Variants in LPAR6 observed in about 807,000 individuals in gnomAD.
LPAR6 encodes G-protein coupled purinergic receptor P2Y5.
A neutral mutation model predicts 22.0 loss-of-function variants in LPAR6; 17 were observed. The ratio of observed to expected loss-of-function variants is 0.77; its 90% CI spans 0.53 to 1.16. LPAR6 has a LOEUF of 1.16. LPAR6 is among the 50% of genes most tolerant of loss of function. The pLI, the probability that LPAR6 is intolerant of heterozygous loss-of-function variation, is 0.00. For synonymous variants in LPAR6, 136 were observed against 139.8 expected, an observed-to-expected ratio of 0.97 and a Z score of 0.19; for missense variants, 384 against 406.9, an observed-to-expected ratio of 0.94 and a Z score of 0.48.
upstream of LPAR6, among the ~76,000 whole-genome samples, chr13:48,415,495 T>A (rs1593490122): frequency 6.6e-6 from 1 of 152,086 alleles, no homozygotes. Context: ...GCCAGGCTGG[T>A]CTTGAACTCC....
upstream of LPAR6, among the ~76,000 whole-genome samples, chr13:48,414,633 A>G (rs1177202293): frequency 6.6e-6 from 1 of 151,076 alleles, no homozygotes; most frequent in Non-Finnish European, 1.5e-5. Context: ...CTCATAAATT[A>G]CTTAGCTAGC....
At chr13:48,443,924 G>A (rs1415096542) in intron 1 of LPAR6, among the ~76,000 whole-genome samples, 3 of 152,152 alleles carry the variant, frequency 2.0e-5, no homozygotes, top group South Asian at 4.2e-4. Flanking sequence ...CTCAAACCAT[G>A]TTTTTCTTCT....
chr13:48,406,273 C>A (rs762715252), downstream of LPAR6, among the ~76,000 whole-genome samples: 1 of 151,984 alleles, frequency 6.6e-6, no homozygotes, highest in Non-Finnish European at 1.5e-5. Flanking sequence ...TTCATTCCCA[C>A]CAGAAATGTA....
At chr13:48,418,377 G>A (rs1425107463) in intron 2 of LPAR6, among the ~76,000 whole-genome samples, 3 of 151,996 alleles carry the variant, frequency 2.0e-5, no homozygotes, top group Non-Finnish European at 4.4e-5. Context: ...AGCTCCTGAA[G>A]GAAGCACTAA....
intron 1 of LPAR6, among the ~76,000 whole-genome samples, chr13:48,432,886 C>G (rs867824231): frequency 3.3e-5 from 5 of 152,122 alleles, no homozygotes; most frequent in African/African-American, 1.2e-4. Flanking sequence ...CCCTACAACT[C>G]TAATAAATCT....
intron 1 of LPAR6, among the ~76,000 whole-genome samples, chr13:48,404,545 T>A (rs1948722535): frequency 6.6e-6 from 1 of 152,078 alleles, no homozygotes; most frequent in Non-Finnish European, 1.5e-5. Flanking sequence ...TGTTTTTTTT[T>A]AATGACAGTC....
intron 1 of LPAR6, among the ~76,000 whole-genome samples, chr13:48,439,381 TGA>T (rs901390025): frequency 1.1e-4 from 17 of 152,124 alleles, no homozygotes; most frequent in Admixed American, 1.1e-3. Context: ...AGTGAGGTAG[TGA>T]GAGAAATAAA....
chr13:48,413,117 G>GTTT (rs1428870410), upstream of LPAR6: 3 of 167,102 alleles, frequency 1.8e-5, no homozygotes, highest in East Asian at 3.8e-4. Context: ...TTTCTCTGAA[G>GTTT]TGAAAAAGAA....
rs182896768 is a variant in LPAR6 at position 48,394,388 on chromosome 13, T to C, written n.115-4576A>G. ...TTTCGTACTCCAGTGGTGCCTGGAA[T>C]GACAGCGAGTTAGAACCATTCACTC... On this transcript the variant is annotated intron_variant and non_coding_transcript_variant, in intron 1 of 1. Coordinates refer to the LPAR6 transcript ENST00000462781. Among the ~76,000 whole-genome samples the C allele has an allele frequency of 5.5e-3, 845 of 152,256 alleles. 5 individuals are homozygous for C. The highest frequency in any genetic ancestry group is 0.01 in the Middle Eastern group (3 of 294).
chr13:48,419,225 A>G (rs1395263482), intron 2 of LPAR6, among the ~76,000 whole-genome samples: 2 of 152,250 alleles, frequency 1.3e-5, no homozygotes, highest in African/African-American at 4.8e-5. Context: ...ACTCAGGATT[A>G]AGAAACTCAC....
upstream of LPAR6, among the ~76,000 whole-genome samples, chr13:48,430,568 C>T (rs1949119015): frequency 6.6e-6 from 1 of 151,950 alleles, no homozygotes. Context: ...GGTGAAACCC[C>T]GTCTCTACTA....
chr13:48,431,204 C>T (rs1949126301), upstream of LPAR6, among the ~76,000 whole-genome samples: 1 of 152,072 alleles, frequency 6.6e-6, no homozygotes, highest in Admixed American at 6.5e-5. Flanking sequence ...TCATTTTGTC[C>T]TTAACTTAAA....
chr13:48,394,422 AG>A (rs985957132), intron 1 of LPAR6, among the ~76,000 whole-genome samples: 1 of 152,186 alleles, frequency 6.6e-6, no homozygotes, highest in Non-Finnish European at 1.5e-5. Flanking sequence ...TCCCCCGGAA[AG>A]GGGGCTGAAG....
chr13:48,421,565 T>A lies in LPAR6; in HGVS notation c.-954+1085A>T, dbSNP rs1949005218. On this transcript the variant is annotated intron_variant, in intron 2 of 4. Coordinates refer to the LPAR6 transcript ENST00000345941. The stretch of plus-strand genomic sequence containing the variant: ...TTCTGCACAGCAAAAGAAACTATCA[T>A]CAGAGTGAACAGGCAACCTACAGAA... 2.0e-5 allele frequency among the ~76,000 whole-genome samples: 3 copies of A among 152,068 alleles called. 1 individual carries two copies. The highest frequency in any genetic ancestry group is 2.0e-4 in the Admixed American group (3 of 15,272).
intron 1 of LPAR6, among the ~76,000 whole-genome samples, chr13:48,433,673 CA>C (rs1382018081): frequency 9.9e-6 from 1 of 101,338 alleles, no homozygotes; most frequent in Non-Finnish European, 2.0e-5. Flanking sequence ...TTACTGTTAA[CA>C]AAAATGCATT....
At chr13:48,438,556 GT>G (rs776106522) in intron 1 of LPAR6, among the ~76,000 whole-genome samples, 264 of 145,822 alleles carry the variant, frequency 1.8e-3, no homozygotes, top group Non-Finnish European at 2.7e-3. Context: ...TTACTTATCT[GT>G]TTTTTTTTTC....
At chr13:48,437,250 A>G (rs971333926) in intron 1 of LPAR6, among the ~76,000 whole-genome samples, 2 of 152,226 alleles carry the variant, frequency 1.3e-5, no homozygotes, top group African/African-American at 4.8e-5. Flanking sequence ...TTGAGTAGAT[A>G]AGTAATAACA....
At chr13:48,397,809 T>G (rs2138174492) in intron 1 of LPAR6, among the ~76,000 whole-genome samples, 1 of 152,288 alleles carries the variant, frequency 6.6e-6, no homozygotes, top group Non-Finnish European at 1.5e-5. Context: ...TGGTATTCTT[T>G]TGAAATGTCA....
At chr13:48,406,478 A>G (rs906028575), downstream of LPAR6, 2 of 152,100 alleles carry the variant, frequency 1.3e-5, no homozygotes, top group Non-Finnish European at 2.9e-5. Context: ...TGTTGTGATT[A>G]TTTTTCTTTT....
Sources: gnomAD v4.1 joint callset for allele counts (sites outside exome capture counted in the v4.1 genomes callset) on GRCh38, gnomAD v4.1.1 for gene constraint, MANE v1.5 for transcripts, NCBI Gene and HGNC (gene_info 2026-07-23, HGNC 2026-07-21) for gene names.